The following LAMTOR5 variants were observed in gnomAD, a reference collection of about 807,000 sequenced individuals.
LAMTOR5 encodes the protein ragulator complex protein LAMTOR5.
LAMTOR5 carries 8 observed loss-of-function variants against 12.1 expected under a neutral mutation model. The ratio of observed to expected loss-of-function variants is 0.66; its 90% confidence interval spans 0.39 to 1.19. The LOEUF is 1.19. Ranked by LOEUF, LAMTOR5 falls within the 50% of genes most tolerant of loss-of-function variation. The probability of loss-of-function intolerance (pLI) is 0.01; values close to 1 mark genes in which losing one functional copy is unlikely to be tolerated. For missense variants in LAMTOR5, 110 were observed against 112.8 expected (o/e 0.97, Z 0.11); for synonymous variants, 37 against 41.9 (o/e 0.88, Z 0.45).
intron 1 of LAMTOR5, 114 bp downstream of exon 1, chr1:110,407,472 G>A (rs1663357960): frequency 7.5e-7 from 1 of 1,327,274 alleles, no homozygotes; most frequent in South Asian, 1.4e-5. Flanking sequence ...TGTCCCGGGG[G>A]TCGCGCGACG....
intron 3 of LAMTOR5, among the ~76,000 whole-genome samples, chr1:110,402,263 T>G (rs1270786036): frequency 6.6e-6 from 1 of 152,130 alleles, no homozygotes; most frequent in Non-Finnish European, 1.5e-5. Context: ...TTTTTTTCTT[T>G]TTTTTGAGAC....
chr1:110,402,793 T>G (rs1274187084), intron 3 of LAMTOR5, among the ~76,000 whole-genome samples: 1 of 152,156 alleles, frequency 6.6e-6, no homozygotes. Context: ...TTCTTTGCTT[T>G]TAACAAAAAA....
intron 2 of LAMTOR5, among the ~76,000 whole-genome samples, chr1:110,404,899 T>A (rs1663297410): frequency 6.6e-6 from 1 of 151,686 alleles, no homozygotes; most frequent in African/African-American, 2.4e-5. Flanking sequence ...AATACAAAAA[T>A]TATCTGGGCG....
chr1:110,401,430 G>T lies in LAMTOR5; in HGVS notation c.*93C>A. 2 of 1,375,026 alleles carry T rather than the reference G, an allele frequency of 1.5e-6. No homozygotes were observed. Among genetic ancestry groups the T allele is most frequent in the Non-Finnish European group, 1.0e-6 (1 of 987,090 alleles). The allele number at this position is 1,375,026 out of a possible 1,614,324, so 85.2% of individuals were successfully genotyped here. On this transcript the variant is annotated 3_prime_UTR_variant, in exon 4 of 4. Transcript: ENST00000602318. Reference sequence around the variant, plus strand: ...GTGCCTAATGCACATTAAATGAATGGCCTAACTACTGGAACTTTAGTAGTT... The same window carrying T: ...GTGCCTAATGCACATTAAATGAATGTCCTAACTACTGGAACTTTAGTAGTT...
intron 2 of LAMTOR5, 22 bp from the exon 3 acceptor site, chr1:110,404,058 T>C (rs769938983): frequency 1.2e-6 from 2 of 1,611,328 alleles, no homozygotes; most frequent in Non-Finnish European, 1.7e-6. Flanking sequence ...AGATGATATA[T>C]GTCACCTGAT....
At chr1:110,407,475 G>C (rs1663358117) in intron 1 of LAMTOR5, 111 bp downstream of exon 1, 1 of 1,354,232 alleles carries the variant, frequency 7.4e-7, no homozygotes, top group Non-Finnish European at 9.9e-7. Context: ...CCCGGGGGTC[G>C]CGCGACGTCC....
At chr1:110,403,241 T>C (rs1663262258) in intron 3 of LAMTOR5, among the ~76,000 whole-genome samples, 1 of 152,116 alleles carries the variant, frequency 6.6e-6, no homozygotes, top group African/African-American at 2.4e-5. Flanking sequence ...GTAGCAGTTG[T>C]ATATATATAC....
intron 2 of LAMTOR5, 29 bp downstream of exon 2, chr1:110,406,289 A>G (rs1403309373): frequency 3.3e-6 from 5 of 1,497,914 alleles, no homozygotes; most frequent in Non-Finnish European, 9.1e-7. Flanking sequence ...TATGCAATTC[A>G]TCAAATAGTT....
intron 1 of LAMTOR5, chr1:110,407,310 GACGATTTCAACA>G (rs1663353372): frequency 1.7e-6 from 1 of 589,474 alleles, no homozygotes; most frequent in South Asian, 2.2e-5. Flanking sequence ...TGACCGTAAA[GACGATTTCAACA>G]ACGAGATAGG....
intron 2 of LAMTOR5, among the ~76,000 whole-genome samples, chr1:110,404,306 C>T (rs1663286740): frequency 6.6e-6 from 1 of 152,182 alleles, no homozygotes; most frequent in Admixed American, 6.5e-5. Flanking sequence ...AGGTAATAGA[C>T]ATGCCACTAT....
Position 110,404,111 on chromosome 1 carries a change from T to C in LAMTOR5, c.98-75A>G, listed in dbSNP as rs1570670280. On this transcript the variant is annotated intron_variant, in intron 2 of 3. Transcript: ENST00000602318. ...TGCTAAAATAAGCTAGCTGGCTGTT[T>C]TAAAATGTCTACAGAATTGTCTTTT... 2.5e-6 allele frequency: 4 copies of C among 1,576,752 alleles called. No homozygotes were observed. In the African/African-American group the frequency reaches 5.4e-5, roughly 21 times the overall value.
chr1:110,401,765 G>A (rs1051653711), intron 3 of LAMTOR5, among the ~76,000 whole-genome samples, 182 bp from the exon 4 acceptor site: 1 of 152,104 alleles, frequency 6.6e-6, no homozygotes, highest in African/African-American at 2.4e-5. Flanking sequence ...ATGTGAACAC[G>A]AAATGAATCC....
At chr1:110,403,857 C>T in intron 3 of LAMTOR5, 62 bp downstream of exon 3, 1 of 1,598,486 alleles carries the variant, frequency 6.3e-7, no homozygotes, top group Non-Finnish European at 8.5e-7. Context: ...GGGCCGGCCC[C>T]CGCCAATTTT....
At chr1:110,407,331 G>C in intron 1 of LAMTOR5, 1 of 592,590 alleles carries the variant, frequency 1.7e-6, no homozygotes, top group East Asian at 2.8e-5. Flanking sequence ...CAACGAGATA[G>C]GCAGTTTTGG....
At chr1:110,407,855 A>C (rs1663373100), upstream of LAMTOR5, 1 of 1,612,910 alleles carries the variant, frequency 6.2e-7, no homozygotes, top group African/African-American at 1.3e-5. Context: ...GGTGACCTGC[A>C]CCTGGCTCCA....
chr1:110,406,304 TGA>T lies in LAMTOR5; in HGVS notation c.97+12_97+13del. ...TATGCAATTCATCAAATAGTTGGTA[TGA>T]GAGATACTTACAACCCAGATTAAGT... is the stretch of plus-strand genomic sequence containing the variant. On this transcript the variant is annotated intron_variant, in intron 2 of 3. Transcript: ENST00000602318. The T allele has an allele frequency of 6.4e-7, 1 of 1,568,558 alleles. No individual in the cohort carries two copies. The highest frequency in any genetic ancestry group is 8.7e-7 in the Non-Finnish European group (1 of 1,147,224).
chr1:110,407,385 G>T, intron 1 of LAMTOR5: 1 of 672,696 alleles, frequency 1.5e-6, no homozygotes, highest in East Asian at 2.7e-5. Context: ...GGGAATGTGC[G>T]GTGCCCGGCA....
chr1:110,403,725 T>C, intron 3 of LAMTOR5, 194 bp downstream of exon 3: 1 of 657,858 alleles, frequency 1.5e-6, no homozygotes, highest in Non-Finnish European at 2.2e-6. Context: ...TTATTCTTCA[T>C]TTAAATAGCA....
chr1:110,403,322 T>G (rs2101108889), intron 3 of LAMTOR5, among the ~76,000 whole-genome samples: 1 of 152,262 alleles, frequency 6.6e-6, no homozygotes, highest in East Asian at 1.9e-4. Flanking sequence ...TTAGAAGTAA[T>G]TTTTGGCTGG....
Sources: gnomAD v4.1 joint callset for allele counts (sites outside exome capture counted in the v4.1 genomes callset) on GRCh38, gnomAD v4.1.1 for gene constraint, MANE v1.5 for transcripts, NCBI Gene and HGNC (gene_info 2026-07-23, HGNC 2026-07-21) for gene names.